ASAP1: variants seen among roughly 807,000 people sequenced by gnomAD.
ASAP1 encodes the protein arf-GAP with SH3 domain, ANK repeat and PH domain-containing protein 1.
In ASAP1, 43 loss-of-function variants were observed where a neutral mutation model predicts 145.2. The ratio of observed to expected loss-of-function variants is 0.30; its 90% CI spans 0.23 to 0.38. ASAP1 has a LOEUF of 0.38. Among genes scored for constraint, ASAP1 ranks in the 10% least tolerant of loss-of-function variants. The pLI is 1.00. For synonymous variants in ASAP1, 546 were observed against 515.5 expected (o/e 1.06, Z -0.80); for missense variants, 1,018 against 1,355.3 (o/e 0.75, Z 3.91).
chr8:130,143,247 A>T (rs1162405466), intron 13 of ASAP1, among the ~76,000 whole-genome samples: 1 of 152,236 alleles, frequency 6.6e-6, no homozygotes, highest in Non-Finnish European at 1.5e-5. Context: ...TTGTCCTTTT[A>T]TAGGTTTCAC....
At chr8:130,107,495 CT>C (rs764936248) in intron 24 of ASAP1, among the ~76,000 whole-genome samples, 36,900 of 139,124 alleles carry the variant, frequency 0.27, 5,614 homozygotes, top group East Asian at 0.56. Flanking sequence ...CATAGTCTCT[CT>C]TTTTTTTTTT....
At chr8:130,410,129 C>T (rs185957477) in intron 1 of ASAP1, among the ~76,000 whole-genome samples, 388 of 152,278 alleles carry the variant, frequency 2.5e-3, no homozygotes, top group Middle Eastern at 0.01. Flanking sequence ...TGCATCTATT[C>T]ATCCACTAAT....
chr8:130,223,338 A>G (rs1034823412), intron 4 of ASAP1, among the ~76,000 whole-genome samples: 2 of 152,216 alleles, frequency 1.3e-5, no homozygotes, highest in African/African-American at 4.8e-5. Context: ...AACCTTGGAA[A>G]TGGCACTTAA....
intron 2 of ASAP1, among the ~76,000 whole-genome samples, chr8:130,370,288 G>A (rs2138277346): frequency 6.6e-6 from 1 of 152,316 alleles, no homozygotes; most frequent in Admixed American, 6.5e-5. Context: ...GGGGGTGACA[G>A]AGCAAGACCC....
At chr8:130,319,838 T>C (rs1324941865) in intron 3 of ASAP1, among the ~76,000 whole-genome samples, 1 of 152,204 alleles carries the variant, frequency 6.6e-6, no homozygotes, top group Admixed American at 6.5e-5. Flanking sequence ...CAAAAGTTTT[T>C]AATGACATGA....
chr8:130,211,416 A>C (rs1816572925), intron 5 of ASAP1, among the ~76,000 whole-genome samples: 1 of 152,178 alleles, frequency 6.6e-6, no homozygotes, highest in Non-Finnish European at 1.5e-5. Flanking sequence ...ATAATCACAG[A>C]CAGTTCAGAA....
intron 2 of ASAP1, among the ~76,000 whole-genome samples, chr8:130,371,364 AC>A (rs1565257230): frequency 6.6e-6 from 1 of 152,232 alleles, no homozygotes; most frequent in Non-Finnish European, 1.5e-5. Flanking sequence ...CACTCTCTGT[AC>A]AAATGGTACT....
At chr8:130,268,182 G>A (rs1377860359) in intron 3 of ASAP1, among the ~76,000 whole-genome samples, 1 of 152,066 alleles carries the variant, frequency 6.6e-6, no homozygotes, top group East Asian at 1.9e-4. Flanking sequence ...TTATTATGTG[G>A]CCCTCAAAAT....
chr8:130,059,514 G>A lies in ASAP1; in HGVS notation c.3192+1065C>T, dbSNP rs181461113. On this transcript the variant is annotated intron_variant, in intron 28 of 29. Transcript: ENST00000518721. ...GTCTTGCTCTGTTACCCAGGCTGGA[G>A]TGTAGTGGTGTGATCACAGCAGCCC... Among the ~76,000 whole-genome samples the A allele has an allele frequency of 2.6e-3, 393 of 152,176 alleles. 1 individual carries two copies. The highest frequency in any genetic ancestry group is 9.0e-3 in the African/African-American group (375 of 41,510).
intron 7 of ASAP1, 98 bp from the exon 8 acceptor site, chr8:130,180,978 G>A (rs1814317623): frequency 1.8e-6 from 2 of 1,136,710 alleles, no homozygotes; most frequent in South Asian, 1.5e-5. Flanking sequence ...TTGGGGTGAC[G>A]ATGTGTCTAT....
intron 3 of ASAP1, among the ~76,000 whole-genome samples, chr8:130,268,583 G>A (rs1356053291): frequency 4.8e-5 from 7 of 144,776 alleles, no homozygotes; most frequent in Middle Eastern, 3.5e-3. Context: ...AGAAAAAAAC[G>A]CAAAATTCAA....
At chr8:130,392,717 G>A (rs1395947161) in intron 2 of ASAP1, among the ~76,000 whole-genome samples, 1 of 152,142 alleles carries the variant, frequency 6.6e-6, no homozygotes, top group Non-Finnish European at 1.5e-5. Context: ...ACCTGCTTCT[G>A]TGAGGGCCTC....
chr8:130,280,810 A>T (rs949732505), intron 3 of ASAP1, among the ~76,000 whole-genome samples: 2 of 152,230 alleles, frequency 1.3e-5, no homozygotes, highest in Admixed American at 6.5e-5. Context: ...ATTGAAATTT[A>T]AAAATAAACA....
chr8:130,332,697 C>T (rs1335497229), intron 3 of ASAP1, among the ~76,000 whole-genome samples: 1 of 152,186 alleles, frequency 6.6e-6, no homozygotes, highest in Non-Finnish European at 1.5e-5. Context: ...TAATCTCAGC[C>T]TGATTTTCTT....
intron 13 of ASAP1, among the ~76,000 whole-genome samples, chr8:130,147,808 C>G (rs780675871): frequency 6.6e-5 from 10 of 152,196 alleles, no homozygotes; most frequent in Non-Finnish European, 1.2e-4. Flanking sequence ...AGAGGTGGAA[C>G]CTCTAAAGAG....
At chr8:130,072,824 T>TGTGTGCGTGTGCGCGCGCGCGC in intron 27 of ASAP1, among the ~76,000 whole-genome samples, 2 of 32,282 alleles carry the variant, frequency 6.2e-5, no homozygotes, top group Non-Finnish European at 1.1e-4. Context: ...TGTGTGTGTG[T>TGTGTGCGTGTGCGCGCGCGCGC]GCGCGCGGGG....
intron 3 of ASAP1, chr8:130,340,996 A>G (rs1825346850): frequency 1.6e-5 from 7 of 438,656 alleles, no homozygotes; most frequent in Non-Finnish European, 3.2e-5. Context: ...GCTGGGGGGC[A>G]GTGGTGGAGG....
chr8:130,407,374 T>C (rs1259178245), intron 1 of ASAP1, among the ~76,000 whole-genome samples: 1 of 152,214 alleles, frequency 6.6e-6, no homozygotes, highest in Admixed American at 6.5e-5. Context: ...AACCAGGGCA[T>C]AGTCTCAGGC....
At chr8:130,428,065 A>T (rs1829989737) in intron 1 of ASAP1, among the ~76,000 whole-genome samples, 1 of 151,948 alleles carries the variant, frequency 6.6e-6, no homozygotes, top group Non-Finnish European at 1.5e-5. Flanking sequence ...CACCCGCCCC[A>T]CCATTGTCTA....
Sources: gnomAD v4.1 joint callset for allele counts (sites outside exome capture counted in the v4.1 genomes callset) on GRCh38, gnomAD v4.1.1 for gene constraint, MANE v1.5 for transcripts, NCBI Gene and HGNC (gene_info 2026-07-23, HGNC 2026-07-21) for gene names.